The following MDGA1 variants were observed in gnomAD, a reference collection of about 807,000 sequenced individuals.
MDGA1 encodes MAM domain containing glycosylphosphatidylinositol anchor 1.
Under a neutral mutation model 101.5 loss-of-function variants are expected in MDGA1, and 54 were observed. The ratio of observed to expected loss-of-function variants is 0.53; its 90% confidence interval spans 0.43 to 0.67. MDGA1 has a LOEUF of 0.67. Ranked by LOEUF, MDGA1 falls within the 30% of genes least tolerant of loss-of-function variation. The pLI is 0.00. For missense variants in MDGA1, 1,083 were observed against 1,323.8 expected (o/e 0.82, Z 2.82); for synonymous variants, 533 against 558.3 (o/e 0.95, Z 0.64).
Position 37,644,531 on chromosome 6 carries a change from A to G in MDGA1, c.2367T>C (p.Thr789=). 1 of 1,597,016 alleles carries G rather than the reference A, an allele frequency of 6.3e-7. No individual in the cohort carries two copies. The highest frequency in any genetic ancestry group is 8.5e-7 in the Non-Finnish European group (1 of 1,172,136). ...TGCCACTTATGTCGGTGGGGGGACCAGTGTTGGGGGAGCGTTTGGGGTTCT... is the reference window on the plus strand; with the variant it reads ...TGCCACTTATGTCGGTGGGGGGACCGGTGTTGGGGGAGCGTTTGGGGTTCT... The part of the protein sequence containing the change: ...LTQNPKRSPN[T]GPPTDISGTP... Residue 789 remains threonine, a synonymous_variant, in exon 13 of 17, where the codon ACT becomes ACC. Transcript: ENST00000434837.
At position 37,654,845 on chromosome 6, in the gene MDGA1, C is replaced by T. The variant is rs369840766; in HGVS notation, c.667G>A (p.Gly223Ser). 1.1e-5 allele frequency: 18 copies of T among 1,613,564 alleles called. No individual in the cohort carries two copies. The highest frequency in any genetic ancestry group is 1.4e-5 in the Non-Finnish European group (16 of 1,179,816). ...AAGGTGATGGCCTTGTCTGGGATGC[C>T]GCACACGTTACGCACAGACACCTGG... ...TCQVSVRNVC[G>S]IPDKAITFRL... The change falls in exon 5 of 17, where the codon GGC becomes AGC. Residue 223 changes from glycine to serine, a missense_variant. Transcript: ENST00000434837.
At chr6:37,643,993 C>G in intron 13 of MDGA1, 50 bp from the exon 14 acceptor site, 1 of 1,603,556 alleles carries the variant, frequency 6.2e-7, no homozygotes, top group Non-Finnish European at 8.5e-7. Flanking sequence ...AGCCAGGCCT[C>G]TTCCTACCTG....
intron 3 of MDGA1, among the ~76,000 whole-genome samples, chr6:37,656,866 T>G (rs531279788): frequency 3.1e-4 from 47 of 152,340 alleles, no homozygotes; most frequent in African/African-American, 1.1e-3. Flanking sequence ...GTTTCCTCAT[T>G]GGTAAACTAA....
At chr6:37,683,395 TGAAAAAGCAAGAC>T (rs1224691316) in intron 1 of MDGA1, among the ~76,000 whole-genome samples, 2 of 152,196 alleles carry the variant, frequency 1.3e-5, no homozygotes, top group Non-Finnish European at 2.9e-5. Flanking sequence ...AAGCTGGCTC[TGAAAAAGCAAGAC>T]CATGGCTTAG....
intron 3 of MDGA1, among the ~76,000 whole-genome samples, chr6:37,657,950 G>A (rs79249337): frequency 0.02 from 3,033 of 152,328 alleles, 37 homozygotes; most frequent in Middle Eastern, 0.054. Context: ...CTCCATGCCT[G>A]TGGGCAAATC....
At chr6:37,649,799 TCAGA>T (rs1297853212) in intron 8 of MDGA1, 4 of 585,046 alleles carry the variant, frequency 6.8e-6, no homozygotes, top group South Asian at 1.7e-5. Flanking sequence ...CATCCTGTTA[TCAGA>T]CAGTGTTTCC....
chr6:37,673,316 G>A (rs1193208150), intron 1 of MDGA1, among the ~76,000 whole-genome samples: 3 of 152,130 alleles, frequency 2.0e-5, no homozygotes, highest in Non-Finnish European at 2.9e-5. Context: ...GACACCTCTC[G>A]CCCTCCCAGA....
chr6:37,694,102 T>A (rs1762369708), intron 1 of MDGA1, among the ~76,000 whole-genome samples: 1 of 152,176 alleles, frequency 6.6e-6, no homozygotes, highest in Non-Finnish European at 1.5e-5. Flanking sequence ...CACACAGGTC[T>A]GGGGGCAGAG....
intron 12 of MDGA1, 133 bp from the exon 13 acceptor site, chr6:37,644,782 AC>A: frequency 2.1e-6 from 2 of 970,306 alleles, no homozygotes; most frequent in Non-Finnish European, 2.8e-6. Context: ...GCTTCAAAAG[AC>A]CAGGCATGGG....
chr6:37,654,967 G>A, intron 4 of MDGA1, 35 bp from the exon 5 acceptor site: 1 of 1,609,492 alleles, frequency 6.2e-7, no homozygotes, highest in Non-Finnish European at 8.5e-7. Context: ...TGAGGTGCCT[G>A]CTTGAGTCTC....
rs1166709615 is a variant in MDGA1 at position 37,634,236 on chromosome 6, C to T, written c.*3132G>A. 1 of 152,824 alleles carries T rather than the reference C, an allele frequency of 6.5e-6. No homozygotes were observed. Among genetic ancestry groups the T allele is most frequent in the African/African-American group, 2.4e-5 (1 of 41,456 alleles). The allele number at this position is 152,824 out of a possible 1,614,324, so 9.5% of individuals were successfully genotyped here. A position where few individuals can be genotyped will look rare whatever the true frequency, so the allele number is the denominator to read the frequency against. ...CAAGGGATGGAAGGGCCCCAGCACCCTGAGGGCTGACCCTGAACACCCCGT... is the reference window on the plus strand; with the variant it reads ...CAAGGGATGGAAGGGCCCCAGCACCTTGAGGGCTGACCCTGAACACCCCGT... On this transcript the variant is annotated 3_prime_UTR_variant, in exon 17 of 17. Transcript: ENST00000434837. The surrounding 1 kb of genome is among the most constrained non-coding windows in gnomAD (Gnocchi z 4.7).
At chr6:37,680,120 C>A (rs1442179951) in intron 1 of MDGA1, among the ~76,000 whole-genome samples, 2 of 152,130 alleles carry the variant, frequency 1.3e-5, no homozygotes, top group African/African-American at 2.4e-5. Context: ...TCTGGTTACT[C>A]CCCTCCCGGG....
chr6:37,697,170 G>C lies in MDGA1; in HGVS notation c.-359C>G. 1 of 213,784 alleles carries C rather than the reference G, an allele frequency of 4.7e-6. No individual in the cohort carries two copies. Among genetic ancestry groups the C allele is most frequent in the Non-Finnish European group, 9.1e-6 (1 of 109,872 alleles). 13.2% of individuals were successfully genotyped at this position (213,784 alleles called of 1,614,324 possible). ...CGCCGGGGACCTCTCGGCGGCGGAG[G>C]CGGCGCTTCGATCCAACAGGCCACG... On this transcript the variant is annotated 5_prime_UTR_variant, in exon 1 of 17. Transcript: ENST00000434837.
intron 1 of MDGA1, among the ~76,000 whole-genome samples, chr6:37,680,041 C>A (rs1265039904): frequency 6.6e-6 from 1 of 152,168 alleles, no homozygotes. Flanking sequence ...TGTCATGGAG[C>A]CTGGCAAGTC....
intron 1 of MDGA1, among the ~76,000 whole-genome samples, chr6:37,679,787 CT>C (rs1762055568): frequency 6.6e-6 from 1 of 152,190 alleles, no homozygotes; most frequent in African/African-American, 2.4e-5. Context: ...CCACAGCCCT[CT>C]GAGGAAGGTA....
At chr6:37,658,564 CCAGA>C (rs950500777) in intron 2 of MDGA1, 145 bp from the exon 3 acceptor site, 30 of 753,136 alleles carry the variant, frequency 4.0e-5, no homozygotes, top group Admixed American at 8.4e-5. Flanking sequence ...GGAAACGAAC[CCAGA>C]CAGACTCGTG....
intron 1 of MDGA1, among the ~76,000 whole-genome samples, chr6:37,678,358 C>T (rs1762024906): frequency 6.6e-6 from 1 of 152,156 alleles, no homozygotes; most frequent in Admixed American, 6.5e-5. Flanking sequence ...CCACCCTAGT[C>T]TTAGCCCCCA....
rs866855709 is a variant in MDGA1, at chr6:37,643,821, C to T, written c.2524G>A (p.Gly842Arg). ...YCVSFFYHMYGKHIGSLNLLV... is the reference protein window; with the variant it reads ...YCVSFFYHMYRKHIGSLNLLV... ...CCCCCCAACTCACCGATGTGTTTCC[C>T]GTACATGTGGTAGAAGAAGGAGACA... Residue 842 changes from glycine (G) to arginine (R), a missense_variant, in exon 14 of 17, where the codon GGG becomes AGG. Coordinates refer to ENST00000434837, the MANE Select transcript of MDGA1 (RefSeq NM_153487.4). 3 of 1,613,944 alleles carry T rather than the reference C, an allele frequency of 1.9e-6. No individual in the cohort carries two copies. The highest frequency in any genetic ancestry group is 1.7e-4 in the Middle Eastern group (1 of 6,060).
chr6:37,657,242 C>A (rs1761511732), intron 3 of MDGA1, among the ~76,000 whole-genome samples: 1 of 152,202 alleles, frequency 6.6e-6, no homozygotes, highest in Non-Finnish European at 1.5e-5. Flanking sequence ...TGGAAGGAAG[C>A]CCCAGGCATC....
Sources: allele counts gnomAD v4.1 joint callset (sites outside exome capture counted in the v4.1 genomes callset), GRCh38; gene constraint gnomAD v4.1.1; non-coding constraint Gnocchi (gnomAD v3.1); transcripts MANE v1.5; gene names NCBI Gene and HGNC (gene_info 2026-07-23, HGNC 2026-07-21).